The following STAB2 variants were observed in gnomAD, a reference collection of about 807,000 sequenced individuals.
STAB2 encodes stabilin 2, also known as stabilin-2.
A neutral mutation model predicts 338.1 loss-of-function variants in STAB2; 288 were observed. The ratio of observed to expected loss-of-function variants is 0.85; its 90% CI spans 0.77 to 0.94. STAB2 has a LOEUF of 0.94. Ranked by LOEUF, STAB2 falls within the 40% of genes least tolerant of loss-of-function variation. The pLI is 0.00. For synonymous variants in STAB2, 1,202 were observed against 1,193.3 expected, an observed-to-expected ratio of 1.01 and a Z score of -0.15; for missense variants, 3,141 against 3,210.1, an observed-to-expected ratio of 0.98 and a Z score of 0.52.
chr12:103,755,860 C>CT (rs1884066001), intron 63 of STAB2, 142 bp downstream of exon 63: 1 of 712,468 alleles, frequency 1.4e-6, no homozygotes, highest in African/African-American at 1.8e-5. Context: ...AATCTAAAGC[C>CT]TAGTTTTGCC....
intron 3 of STAB2, among the ~76,000 whole-genome samples, chr12:103,617,179 AT>A (rs1442992505): frequency 1.3e-5 from 2 of 152,196 alleles, no homozygotes; most frequent in Non-Finnish European, 2.9e-5. Context: ...GACAACCCTT[AT>A]CCCAGTCCAT....
intron 30 of STAB2, among the ~76,000 whole-genome samples, chr12:103,690,935 T>C (rs1164459690): frequency 6.6e-6 from 1 of 152,278 alleles, no homozygotes; most frequent in Non-Finnish European, 1.5e-5. Context: ...AGTCTATATA[T>C]ACTCAATCTT....
intron 6 of STAB2, among the ~76,000 whole-genome samples, chr12:103,632,839 G>GC (rs1957485174): frequency 6.6e-6 from 1 of 152,214 alleles, no homozygotes; most frequent in African/African-American, 2.4e-5. Context: ...GGATGGCAGA[G>GC]CCGGGGAGCT....
chr12:103,748,001 A>G (rs1292837991), intron 58 of STAB2, among the ~76,000 whole-genome samples: 1 of 98,508 alleles, frequency 1.0e-5, no homozygotes, highest in African/African-American at 3.4e-5. Flanking sequence ...TCTCCAAAAA[A>G]AAAAAAAAAA....
chr12:103,737,031 G>A (rs907676225), intron 52 of STAB2, among the ~76,000 whole-genome samples: 1 of 152,206 alleles, frequency 6.6e-6, no homozygotes, highest in Non-Finnish European at 1.5e-5. Flanking sequence ...TCATTACAAA[G>A]TTAAAGCCTG....
chr12:103,757,030 T>TATATATATAA (rs1368294869), intron 63 of STAB2, among the ~76,000 whole-genome samples: 1 of 143,072 alleles, frequency 7.0e-6, no homozygotes, highest in East Asian at 2.0e-4. Flanking sequence ...TATATATATA[T>TATATATATAA]AAAATATATA....
chr12:103,654,330 T>C (rs1874012006), intron 12 of STAB2, among the ~76,000 whole-genome samples: 1 of 152,230 alleles, frequency 6.6e-6, no homozygotes. Flanking sequence ...TTAGCATATA[T>C]AGTTGTCAGT....
At chr12:103,684,582 CAT>C (rs1877224822) in intron 26 of STAB2, among the ~76,000 whole-genome samples, 1 of 152,182 alleles carries the variant, frequency 6.6e-6, no homozygotes, top group Non-Finnish European at 1.5e-5. Context: ...GAAGAACCAA[CAT>C]ATGATTGCCA....
At chr12:103,636,182 T>A (rs1325108061) in intron 6 of STAB2, among the ~76,000 whole-genome samples, 1 of 151,490 alleles carries the variant, frequency 6.6e-6, no homozygotes, top group Non-Finnish European at 1.5e-5. Context: ...TATCTCCTAA[T>A]GCTATCCATC....
chr12:103,680,496 C>A (rs1367424141), intron 25 of STAB2, among the ~76,000 whole-genome samples: 2 of 152,228 alleles, frequency 1.3e-5, no homozygotes, highest in African/African-American at 4.8e-5. Flanking sequence ...CCTCCGGCCA[C>A]TTCCAATTTA....
At chr12:103,675,867 G>A in intron 23 of STAB2, 61 bp from the exon 24 acceptor site, 8 of 1,358,342 alleles carry the variant, frequency 5.9e-6, no homozygotes, top group South Asian at 1.3e-5. Flanking sequence ...CTAGCTGGCT[G>A]GCTCTCTTCT....
At chr12:103,749,959 T>C (rs1410622400) in intron 59 of STAB2, among the ~76,000 whole-genome samples, 1 of 151,810 alleles carries the variant, frequency 6.6e-6, no homozygotes, top group Non-Finnish European at 1.5e-5. Context: ...TAGAGTCAGA[T>C]TGCTTTTGCA....
At chr12:103,610,784 T>G (rs1471635355) in intron 3 of STAB2, among the ~76,000 whole-genome samples, 1 of 152,244 alleles carries the variant, frequency 6.6e-6, no homozygotes, top group Non-Finnish European at 1.5e-5. Context: ...GTTGTTAGGG[T>G]GTCAATTTTA....
intron 37 of STAB2, among the ~76,000 whole-genome samples, chr12:103,706,543 T>C (rs544828250): frequency 6.6e-6 from 1 of 152,270 alleles, no homozygotes; most frequent in African/African-American, 2.4e-5. Context: ...CATCCTCTTC[T>C]CTGACATGCC....
At chr12:103,620,434 C>T (rs772510386) in intron 3 of STAB2, 34 bp from the exon 4 acceptor site, 42 of 1,543,412 alleles carry the variant, frequency 2.7e-5, no homozygotes, top group African/African-American at 5.5e-5. Context: ...TGTGCAGTCA[C>T]GAATGAATAC....
chr12:103,698,964 A>G lies in STAB2; in HGVS notation c.3583-132A>G, dbSNP rs1334324310. ...TTCATATTGAATATTGTGTCTTAAT[A>G]CCTCTGTCAAAACTTCCACTTGGAC... is the stretch of plus-strand genomic sequence containing the variant. On this transcript the variant is annotated intron_variant, in intron 33 of 68. Coordinates refer to ENST00000388887, the MANE Select transcript of STAB2 (RefSeq NM_017564.10). 6 of 1,114,718 alleles carry G rather than the reference A, an allele frequency of 5.4e-6. No homozygotes were observed. In the Admixed American group the frequency reaches 8.6e-5, roughly 16 times the overall value. The allele number at this position is 1,114,718 out of a possible 1,614,324, so 69.1% of individuals were successfully genotyped here.
intron 34 of STAB2, among the ~76,000 whole-genome samples, chr12:103,702,845 A>T (rs762311873): frequency 7.9e-5 from 12 of 152,224 alleles, no homozygotes; most frequent in Non-Finnish European, 1.5e-4. Flanking sequence ...AAGCCAATTA[A>T]TTTGCTTCAT....
chr12:103,607,999 A>G (rs147131124), intron 3 of STAB2, among the ~76,000 whole-genome samples: 1 of 152,184 alleles, frequency 6.6e-6, no homozygotes, highest in Non-Finnish European at 1.5e-5. Context: ...TTACAGTCCC[A>G]CCAACTGTGT....
intron 3 of STAB2, among the ~76,000 whole-genome samples, chr12:103,611,173 G>T (rs1395095246): frequency 6.6e-6 from 1 of 152,184 alleles, no homozygotes; most frequent in African/African-American, 2.4e-5. Flanking sequence ...TGTTGATTTG[G>T]GGTGGAGAGT....
Sources: allele counts gnomAD v4.1 joint callset (sites outside exome capture counted in the v4.1 genomes callset), GRCh38; gene constraint gnomAD v4.1.1; transcripts MANE v1.5; gene names NCBI Gene and HGNC (gene_info 2026-07-23, HGNC 2026-07-21).